RBFOX2: variants seen among roughly 807,000 people sequenced by gnomAD.
RBFOX2 encodes RNA binding protein fox-1 homolog 2.
Under a neutral mutation model 49.1 loss-of-function variants are expected in RBFOX2, and 10 were observed. The observed-to-expected ratio is 0.20, with a 90% CI of 0.13 to 0.35. The LOEUF is 0.35. Ranked by LOEUF, RBFOX2 falls within the 10% of genes least tolerant of loss-of-function variation. The pLI, the probability that RBFOX2 is intolerant of heterozygous loss-of-function variation, is 1.00. For missense variants in RBFOX2, 323 were observed against 486.9 expected (o/e 0.66, Z 3.17); for synonymous variants, 183 against 187.4 (o/e 0.98, Z 0.19).
upstream of RBFOX2, among the ~76,000 whole-genome samples, chr22:35,843,736 G>C (rs996308954): frequency 2.0e-5 from 3 of 152,046 alleles, no homozygotes; most frequent in African/African-American, 7.2e-5. Flanking sequence ...GTTGTTACTT[G>C]CAAGGTGTCA....
chr22:35,939,369 C>A (rs533677521), upstream of RBFOX2, among the ~76,000 whole-genome samples: 7 of 152,248 alleles, frequency 4.6e-5, no homozygotes, highest in East Asian at 1.4e-3. Flanking sequence ...TGCCTCTTAA[C>A]CCAGAAAAGT....
intron 2 of RBFOX2, among the ~76,000 whole-genome samples, chr22:35,786,456 A>G (rs1445729482): frequency 6.6e-6 from 1 of 152,254 alleles, no homozygotes; most frequent in Admixed American, 6.5e-5. Flanking sequence ...TTATAAGCAT[A>G]GAGCTGAATA....
intron 1 of RBFOX2, among the ~76,000 whole-genome samples, chr22:35,938,192 C>G (rs1383655614): frequency 6.6e-6 from 1 of 152,174 alleles, no homozygotes; most frequent in Non-Finnish European, 1.5e-5. Flanking sequence ...ACCTGTTCTT[C>G]TATCCTAACT....
At chr22:35,908,844 A>ATT (rs555305648) in intron 1 of RBFOX2, among the ~76,000 whole-genome samples, 14 of 137,712 alleles carry the variant, frequency 1.0e-4, no homozygotes, top group African/African-American at 2.1e-4. Context: ...TTTCTCATCT[A>ATT]TTTTTTTTTT....
At chr22:35,917,783 A>T (rs2050591610) in intron 1 of RBFOX2, among the ~76,000 whole-genome samples, 1 of 152,158 alleles carries the variant, frequency 6.6e-6, no homozygotes, top group South Asian at 2.1e-4. Flanking sequence ...TCACAATCGC[A>T]ATCTGTCAAA....
rs1171006043 is a variant in RBFOX2, at chr22:35,875,607, G to GGGGTGT, written c.-34+63239_-34+63240insACACCC. ...CTGCGAATTAATAAATGCTCACAAG[G>GGGGTGT]GTGTGTGTGTGTGTGTGTGTGTGTG... is the stretch of plus-strand genomic sequence containing the variant. On this transcript the variant is annotated intron_variant, in intron 1 of 13. Transcript: ENST00000359369. Among the ~76,000 whole-genome samples the GGGGTGT allele has an allele frequency of 2.6e-3, 306 of 117,724 alleles. 2 individuals are homozygous for GGGGTGT. The highest frequency in any genetic ancestry group is 0.013 in the Middle Eastern group (3 of 236). 77.2% of individuals were successfully genotyped at this position (117,724 alleles called of 152,430 possible).
chr22:35,996,681 A>G (rs1320129490), intron 1 of RBFOX2: 1 of 152,194 alleles, frequency 6.6e-6, no homozygotes, highest in Non-Finnish European at 1.5e-5. Flanking sequence ...ACTTGAATAA[A>G]GCTCTTAAAA....
chr22:35,868,678 T>A (rs1014923000), intron 1 of RBFOX2, among the ~76,000 whole-genome samples: 1 of 152,214 alleles, frequency 6.6e-6, no homozygotes, highest in South Asian at 2.1e-4. Flanking sequence ...ATTCTTAATA[T>A]GGTTGAGCTT....
exon 12 of RBFOX2, chr22:35,739,068 G>C (rs1416427851): frequency 6.5e-6 from 1 of 153,132 alleles, no homozygotes; most frequent in Non-Finnish European, 1.5e-5. Flanking sequence ...AGGGAAACAG[G>C]ACCCTGGGCA....
chr22:35,899,087 C>T lies in RBFOX2; in HGVS notation c.-34+39760G>A, dbSNP rs182238647. On this transcript the variant is annotated intron_variant, in intron 1 of 13. Coordinates refer to the RBFOX2 transcript ENST00000359369. ...GAGCCGAGGTCTAGCCATTGCACTC[C>T]AGCCTGAGCAACAAGAGCAAAATTC... Among the ~76,000 whole-genome samples the T allele has an allele frequency of 9.4e-3, 1,429 of 151,230 alleles. 22 individuals are homozygous for T. Among genetic ancestry groups the T allele is most frequent in the African/African-American group, 0.033 (1,347 of 41,126 alleles).
chr22:35,898,583 G>A (rs781760427), intron 1 of RBFOX2, among the ~76,000 whole-genome samples: 1 of 151,578 alleles, frequency 6.6e-6, no homozygotes, highest in African/African-American at 2.4e-5. Context: ...ACGCCACCAC[G>A]CCTGGCTAAT....
At chr22:35,997,622 C>A (rs771988898) in intron 1 of RBFOX2, 7 of 152,168 alleles carry the variant, frequency 4.6e-5, no homozygotes, top group African/African-American at 1.4e-4. Context: ...AACTGAGATG[C>A]GGAGGGAGTA....
rs759563697 is a variant in RBFOX2, at chr22:35,781,579, A to C, written c.399+21T>G. On this transcript the variant is annotated intron_variant, in intron 3 of 11. Coordinates refer to ENST00000405409, the Ensembl canonical transcript of RBFOX2. ...AATCTACTTTAATTGTAAAATCCAT[A>C]AAAAGACTTCAGAGACTTACCCCAA... The C allele has an allele frequency of 5.0e-6, 8 of 1,606,214 alleles. No homozygotes were observed. The South Asian group carries it at 8.9e-5, about 18-fold the overall frequency.
At chr22:35,761,368 C>G in intron 7 of RBFOX2, 47 bp downstream of exon 8, 1 of 1,611,728 alleles carries the variant, frequency 6.2e-7, no homozygotes, top group Non-Finnish European at 8.5e-7. Context: ...ACAGCAGATG[C>G]TATTACAATT....
chr22:35,879,555 G>A (rs2045600837), intron 1 of RBFOX2, among the ~76,000 whole-genome samples: 1 of 152,176 alleles, frequency 6.6e-6, no homozygotes, highest in Admixed American at 6.5e-5. Context: ...CAAAGTGCCT[G>A]GCAAATTTGA....
upstream of RBFOX2, among the ~76,000 whole-genome samples, chr22:35,939,387 C>T (rs2053466288): frequency 6.6e-6 from 1 of 152,122 alleles, no homozygotes; most frequent in Non-Finnish European, 1.5e-5. Flanking sequence ...AGTTTTAGGT[C>T]TTCGTCTCTA....
At chr22:35,892,662 A>C (rs562198120) in intron 1 of RBFOX2, among the ~76,000 whole-genome samples, 9 of 152,278 alleles carry the variant, frequency 5.9e-5, no homozygotes, top group African/African-American at 1.9e-4. Flanking sequence ...CAAGCATGCA[A>C]GGGAGGTGAT....
At chr22:35,849,475 AC>A (rs2041653108) in intron 1 of RBFOX2, among the ~76,000 whole-genome samples, 1 of 152,192 alleles carries the variant, frequency 6.6e-6, no homozygotes, top group Non-Finnish European at 1.5e-5. Flanking sequence ...TCTGAATGGT[AC>A]CGGGTCAAAA....
intron 10 of RBFOX2, 46 bp from the exon 13 acceptor site, chr22:35,746,041 T>C (rs987638192): frequency 2.0e-6 from 3 of 1,525,268 alleles, no homozygotes; most frequent in Non-Finnish European, 1.8e-6. Flanking sequence ...AAGTGTATGA[T>C]CTAAAAAAAT....
Sources: gnomAD v4.1 joint callset for allele counts (sites outside exome capture counted in the v4.1 genomes callset) on GRCh38, gnomAD v4.1.1 for gene constraint, MANE v1.5 for transcripts, NCBI Gene and HGNC (gene_info 2026-07-23, HGNC 2026-07-21) for gene names.